Variants in CDK5RAP2 observed in about 807,000 individuals in gnomAD.
CDK5RAP2 encodes the protein CDK5 regulatory subunit-associated protein 2.
Under a neutral mutation model 232.9 loss-of-function variants are expected in CDK5RAP2, and 147 were observed. The ratio of observed to expected loss-of-function variants is 0.63; its 90% CI spans 0.55 to 0.72. The LOEUF (loss-of-function observed/expected upper bound fraction) is 0.72, where lower values mean the gene tolerates loss of function less well. Ranked by LOEUF, CDK5RAP2 falls within the 30% of genes least tolerant of loss-of-function variation. CDK5RAP2 has a pLI of 0.00. For synonymous variants in CDK5RAP2, 833 were observed against 833.7 expected (o/e 1.00, Z 0.01); for missense variants, 2,195 against 2,231.5 (o/e 0.98, Z 0.33).
intron 4 of CDK5RAP2, among the ~76,000 whole-genome samples, chr9:120,546,068 A>C (rs892769330): frequency 6.6e-6 from 1 of 152,226 alleles, no homozygotes; most frequent in Non-Finnish European, 1.5e-5. Context: ...ATCAAGGCAT[A>C]AATGTCATAC....
chr9:120,534,034 A>G (rs764491719), intron 7 of CDK5RAP2, among the ~76,000 whole-genome samples: 1 of 152,098 alleles, frequency 6.6e-6, no homozygotes, highest in Non-Finnish European at 1.5e-5. Context: ...CCCAGTGTCA[A>G]TCCATTCCCC....
Position 120,403,541 on chromosome 9 carries a change from A to G in CDK5RAP2, c.5042-470T>C, listed in dbSNP as rs576114406. Reference sequence around the variant, plus strand: ...TGAGCAAGTAGCAAGAATTACACGAATGATGAGTCATTCTGACCAAGGACA... The same window carrying G: ...TGAGCAAGTAGCAAGAATTACACGAGTGATGAGTCATTCTGACCAAGGACA... On this transcript the variant is annotated intron_variant, in intron 33 of 37. Coordinates refer to ENST00000349780, the MANE Select transcript of CDK5RAP2 (RefSeq NM_018249.6). The surrounding 1 kb of genome is among the most constrained non-coding windows in gnomAD (Gnocchi z 4.2). 1.5e-5 allele frequency: 4 copies of G among 274,440 alleles called. No homozygotes were observed. The Admixed American group carries it at 1.5e-4, about 10-fold the overall frequency. The allele number at this position is 274,440 out of a possible 1,614,324, so 17.0% of individuals were successfully genotyped here. A position where few individuals can be genotyped will look rare whatever the true frequency, so the allele number is the denominator to read the frequency against.
At chr9:120,524,843 T>C in intron 11 of CDK5RAP2, 143 bp downstream of exon 11, 1 of 653,134 alleles carries the variant, frequency 1.5e-6, no homozygotes, top group Non-Finnish European at 2.8e-6. Context: ...AATTTCCCTT[T>C]AATTAGACTA....
At chr9:120,515,583 T>C (rs1014068024) in intron 12 of CDK5RAP2, among the ~76,000 whole-genome samples, 1 of 152,176 alleles carries the variant, frequency 6.6e-6, no homozygotes, top group Admixed American at 6.5e-5. Context: ...TGCAATAAAC[T>C]AGTGCACTCT....
intron 36 of CDK5RAP2, among the ~76,000 whole-genome samples, chr9:120,393,463 C>T (rs2032181792): frequency 6.6e-6 from 1 of 152,242 alleles, no homozygotes; most frequent in African/African-American, 2.4e-5. Flanking sequence ...CTGTCCTGTG[C>T]TTCTCAGAAA....
intron 12 of CDK5RAP2, among the ~76,000 whole-genome samples, chr9:120,491,847 T>G (rs2131639051): frequency 6.6e-6 from 1 of 152,244 alleles, no homozygotes; most frequent in South Asian, 2.1e-4. Context: ...AATAAGATGC[T>G]CATTATTTTC....
chr9:120,502,122 T>C (rs1413297565), intron 12 of CDK5RAP2, among the ~76,000 whole-genome samples: 2 of 152,174 alleles, frequency 1.3e-5, no homozygotes, highest in Admixed American at 6.5e-5. Flanking sequence ...ACTAACACAA[T>C]GATCCCAGTC....
intron 35 of CDK5RAP2, among the ~76,000 whole-genome samples, chr9:120,395,072 C>T (rs1367351649): frequency 6.6e-6 from 1 of 152,170 alleles, no homozygotes; most frequent in East Asian, 1.9e-4. Context: ...AATTATGGTA[C>T]TTACATATAA....
At chr9:120,421,294 C>T (rs1242386343) in intron 26 of CDK5RAP2, among the ~76,000 whole-genome samples, 1 of 152,204 alleles carries the variant, frequency 6.6e-6, no homozygotes, top group Non-Finnish European at 1.5e-5. Context: ...AATGGCCCCA[C>T]TCTGGGAAGC....
At chr9:120,507,029 C>T (rs1456603710) in intron 12 of CDK5RAP2, among the ~76,000 whole-genome samples, 1 of 152,102 alleles carries the variant, frequency 6.6e-6, no homozygotes, top group South Asian at 2.1e-4. Flanking sequence ...AGTTAATCAA[C>T]GTGGCAAACT....
intron 35 of CDK5RAP2, among the ~76,000 whole-genome samples, 198 bp from the exon 36 acceptor site, chr9:120,394,836 C>T (rs1038412128): frequency 1.3e-5 from 2 of 152,160 alleles, no homozygotes; most frequent in Non-Finnish European, 2.9e-5. Context: ...GAAAGCACCT[C>T]GTGACCTCTG....
At chr9:120,411,590 C>A in intron 28 of CDK5RAP2, 116 bp from the exon 29 acceptor site, 2 of 690,252 alleles carry the variant, frequency 2.9e-6, no homozygotes, top group South Asian at 1.6e-5. Flanking sequence ...GAAAATCCCT[C>A]CTGTTAACTA....
chr9:120,536,281 G>C (rs961674628), intron 7 of CDK5RAP2, 91 bp downstream of exon 7: 2 of 1,398,108 alleles, frequency 1.4e-6, no homozygotes, highest in African/African-American at 2.8e-5. Context: ...ATGGGGAGAA[G>C]GGAGGGATAA....
At position 120,439,513 on chromosome 9, in the gene CDK5RAP2, T is replaced by G. The variant is rs143248201; in HGVS notation, c.3608A>C (p.Lys1203Thr). The G allele has an allele frequency of 2.1e-5, 34 of 1,614,086 alleles. No individual in the cohort carries two copies. The highest frequency in any genetic ancestry group is 2.9e-5 in the Non-Finnish European group (34 of 1,180,030). ...GTATTCCTGTTCCTCCAGCTGCTGTTTGAGGTTCTCCAGCACCCTGCTGTC... is the reference window on the plus strand; with the variant it reads ...GTATTCCTGTTCCTCCAGCTGCTGTGTGAGGTTCTCCAGCACCCTGCTGTC... The part of the protein sequence containing the change: ...MIDSRVLENL[K>T]QQLEEQEYKL... Residue 1203 changes from lysine to threonine, a missense_variant, in exon 24 of 38, where the codon AAA becomes ACA. Physicochemically the swap from Lys to Thr is moderately conservative, Grantham distance 78. Transcript: ENST00000349780.
At chr9:120,468,466 C>T (rs958134294) in intron 17 of CDK5RAP2, among the ~76,000 whole-genome samples, 1 of 152,216 alleles carries the variant, frequency 6.6e-6, no homozygotes, top group African/African-American at 2.4e-5. Context: ...CTCCTTTGTA[C>T]ACCTATCTGG....
At chr9:120,415,196 A>AC (rs1160316769) in intron 27 of CDK5RAP2, 37 bp from the exon 28 acceptor site, 1 of 1,609,618 alleles carries the variant, frequency 6.2e-7, no homozygotes, top group Non-Finnish European at 8.5e-7. Context: ...TAAAGTCTGA[A>AC]CCCCCAACAA....
chr9:120,571,726 C>T, intron 2 of CDK5RAP2: 1 of 495,506 alleles, frequency 2.0e-6, no homozygotes, highest in Non-Finnish European at 3.7e-6. Context: ...TCACTGAATC[C>T]CTATAGCTTT....
chr9:120,418,228 G>GCAT (rs1273404252), intron 27 of CDK5RAP2, among the ~76,000 whole-genome samples: 3 of 152,160 alleles, frequency 2.0e-5, no homozygotes, highest in African/African-American at 7.2e-5. Context: ...CACTAAGAGG[G>GCAT]CATCATAAGC....
chr9:120,401,844 C>A (rs2033045259), intron 34 of CDK5RAP2, among the ~76,000 whole-genome samples: 1 of 151,834 alleles, frequency 6.6e-6, no homozygotes, highest in Non-Finnish European at 1.5e-5. Context: ...ATCAGCCGGG[C>A]ATGGTGGCAG....
Sources: allele counts gnomAD v4.1 joint callset (sites outside exome capture counted in the v4.1 genomes callset), GRCh38; gene constraint gnomAD v4.1.1; non-coding constraint Gnocchi (gnomAD v3.1); transcripts MANE v1.5; gene names NCBI Gene and HGNC (gene_info 2026-07-23, HGNC 2026-07-21).